The following PDZD8 variants were observed in gnomAD, a reference collection of about 807,000 sequenced individuals.
The protein encoded by PDZD8 is PDZ domain containing 8.
Under a neutral mutation model 85.8 loss-of-function variants are expected in PDZD8, and 14 were observed. That is an observed-to-expected ratio of 0.16 (90% confidence interval 0.11 to 0.26). The LOEUF (loss-of-function observed/expected upper bound fraction) is 0.26. Ranked by LOEUF, PDZD8 falls within the 10% of genes least tolerant of loss-of-function variation. PDZD8 has a pLI of 1.00. For missense variants in PDZD8, 1,197 were observed against 1,424.3 expected, an observed-to-expected ratio of 0.84 and a Z score of 2.57; for synonymous variants, 592 against 568.6, an observed-to-expected ratio of 1.04 and a Z score of -0.59.
Position 117,279,018 on chromosome 10 carries a change from T to C in PDZD8, c.*4250A>G, listed in dbSNP as rs1169296028. The C allele has an allele frequency of 6.6e-6, 1 of 152,234 alleles. No homozygotes were observed. Among genetic ancestry groups the C allele is most frequent in the Non-Finnish European group, 1.5e-5 (1 of 68,042 alleles). The allele number at this position is 152,234 out of a possible 1,614,324, so 9.4% of individuals were successfully genotyped here. ...CTGCCCCCAATACCATATACTTTAT[T>C]GCAATTTTATTTTTGCCTTTACGGC... On this transcript the variant is annotated 3_prime_UTR_variant, in exon 5 of 5. Transcript: ENST00000334464.
chr10:117,316,395 A>T (rs1302905455), intron 3 of PDZD8, among the ~76,000 whole-genome samples: 2 of 152,182 alleles, frequency 1.3e-5, no homozygotes, highest in Non-Finnish European at 2.9e-5. Flanking sequence ...AGTCATGGCC[A>T]GGTGTGACAG....
intron 1 of PDZD8, among the ~76,000 whole-genome samples, chr10:117,350,121 A>ATAACCC (rs1329150015): frequency 1.3e-5 from 2 of 152,202 alleles, no homozygotes; most frequent in Non-Finnish European, 1.5e-5. Context: ...GATAGGTACT[A>ATAACCC]TAATCAGCCC....
intron 3 of PDZD8, among the ~76,000 whole-genome samples, chr10:117,291,091 C>G (rs1236154850): frequency 6.6e-6 from 1 of 151,424 alleles, no homozygotes; most frequent in Non-Finnish European, 1.5e-5. Context: ...CCAGGCTGGT[C>G]TCAAACTTCT....
intron 2 of PDZD8, among the ~76,000 whole-genome samples, chr10:117,323,387 A>G (rs535148514): frequency 1.1e-4 from 16 of 152,322 alleles, no homozygotes; most frequent in Non-Finnish European, 2.2e-4. Flanking sequence ...ACTTTGCCTG[A>G]ATATTCAGTC....
chr10:117,316,712 G>C (rs987099877), intron 3 of PDZD8, among the ~76,000 whole-genome samples: 1 of 151,912 alleles, frequency 6.6e-6, no homozygotes, highest in Non-Finnish European at 1.5e-5. Context: ...AAATGAAAAG[G>C]TCATCAAATA....
intron 1 of PDZD8, among the ~76,000 whole-genome samples, chr10:117,349,216 A>G (rs1844758496): frequency 6.6e-6 from 1 of 152,216 alleles, no homozygotes; most frequent in Non-Finnish European, 1.5e-5. Context: ...CATTTGGGGC[A>G]GGTGATGAAA....
At chr10:117,341,176 G>T (rs986290769) in intron 1 of PDZD8, 74 bp from the exon 2 acceptor site, 1 of 1,492,194 alleles carries the variant, frequency 6.7e-7, no homozygotes, top group Non-Finnish European at 9.2e-7. Context: ...AAACTCACCT[G>T]TACAAAAACA....
chr10:117,333,126 A>ACAAAAAAAAC (rs1554854835), intron 2 of PDZD8, among the ~76,000 whole-genome samples: 4 of 140,696 alleles, frequency 2.8e-5, no homozygotes, highest in Admixed American at 7.0e-5. Flanking sequence ...TCAAAAAAAA[A>ACAAAAAAAAC]AAAAAAAAAA....
At chr10:117,343,545 T>G (rs138049076) in intron 1 of PDZD8, among the ~76,000 whole-genome samples, 2 of 151,594 alleles carry the variant, frequency 1.3e-5, no homozygotes, top group Non-Finnish European at 2.9e-5. Flanking sequence ...TGTAAAAAAA[T>G]TATAATAACC....
chr10:117,348,473 A>G (rs1343736099), intron 1 of PDZD8, among the ~76,000 whole-genome samples: 1 of 152,128 alleles, frequency 6.6e-6, no homozygotes, highest in Non-Finnish European at 1.5e-5. Flanking sequence ...TTAATCCGCG[A>G]TGGCTTCCAT....
chr10:117,371,532 T>C (rs1261620402), intron 1 of PDZD8, among the ~76,000 whole-genome samples: 6 of 152,148 alleles, frequency 3.9e-5, no homozygotes, highest in Non-Finnish European at 7.4e-5. Flanking sequence ...AGACAAGAAG[T>C]CATCACTTGC....
chr10:117,314,747 T>C (rs1844094616), intron 3 of PDZD8, among the ~76,000 whole-genome samples: 2 of 152,232 alleles, frequency 1.3e-5, no homozygotes, highest in South Asian at 4.1e-4. Flanking sequence ...TCTTTTATAA[T>C]TTCCTCTCCA....
At chr10:117,332,770 G>T (rs1307906182) in intron 2 of PDZD8, among the ~76,000 whole-genome samples, 1 of 150,760 alleles carries the variant, frequency 6.6e-6, no homozygotes, top group Non-Finnish European at 1.5e-5. Flanking sequence ...GCCTCCCAAA[G>T]TGCTGGGATT....
At chr10:117,321,573 T>C (rs1844225598) in intron 2 of PDZD8, among the ~76,000 whole-genome samples, 1 of 152,190 alleles carries the variant, frequency 6.6e-6, no homozygotes, top group African/African-American at 2.4e-5. Context: ...ACGGTGGTTA[T>C]ACAGCCCTGT....
In PDZD8 at chr10:117,285,446, T is replaced by C; in HGVS notation, c.1287A>G (p.Gln429=). 6 of 1,604,142 alleles carry C rather than the reference T, an allele frequency of 3.7e-6. No individual in the cohort carries two copies. The highest frequency in any genetic ancestry group is 5.1e-6 in the Non-Finnish European group (6 of 1,172,922). The change falls in exon 5 of 5, where the codon CAA becomes CAG. Residue 429 remains glutamine (Q), a synonymous_variant. Transcript: ENST00000334464. ...IGGVKITSTL[Q]VLKLIKQAGD... is the part of the protein sequence containing the mutation. ...CAGCCTGCTTGATAAGCTTCAACAC[T>C]TGCAGTGTTGATGTGATTTTCACAC...
chr10:117,283,375 T>G lies in PDZD8; in HGVS notation c.3358A>C (p.Thr1120Pro), dbSNP rs1307271791. The G allele has an allele frequency of 1.2e-6, 2 of 1,614,014 alleles. No individual in the cohort carries two copies. Among genetic ancestry groups the G allele is most frequent in the Non-Finnish European group, 1.7e-6 (2 of 1,179,950 alleles). Residue 1120 changes from threonine to proline, a missense_variant, in exon 5 of 5, where the codon ACA becomes CCA. Physicochemically the swap from Thr to Pro is conservative, Grantham distance 38. Transcript: ENST00000334464. ...DQHSKKISKY[T>P]DDTEEDLDNE... ...TCAAGGTCTTCTTCTGTATCATCTGTGTACTTGCTTATTTTTTTGGAGTGC... is the reference window on the plus strand; with the variant it reads ...TCAAGGTCTTCTTCTGTATCATCTGGGTACTTGCTTATTTTTTTGGAGTGC...
At chr10:117,327,212 A>T (rs1448509756) in intron 2 of PDZD8, among the ~76,000 whole-genome samples, 2 of 152,208 alleles carry the variant, frequency 1.3e-5, no homozygotes, top group Non-Finnish European at 2.9e-5. Context: ...TGAAAGTAGC[A>T]CTAATGCCCT....
chr10:117,319,756 G>C (rs1191403431), intron 2 of PDZD8, among the ~76,000 whole-genome samples: 3 of 151,914 alleles, frequency 2.0e-5, no homozygotes, highest in Admixed American at 6.6e-5. Context: ...GAAGAAAAAA[G>C]GTTACTCATG....
At chr10:117,305,320 G>A (rs1422732852) in intron 3 of PDZD8, among the ~76,000 whole-genome samples, 3 of 152,044 alleles carry the variant, frequency 2.0e-5, no homozygotes, top group Middle Eastern at 3.2e-3. Flanking sequence ...GCTGAGGCAC[G>A]AGAATTGCTT....
Sources: allele counts gnomAD v4.1 joint callset (sites outside exome capture counted in the v4.1 genomes callset), GRCh38; gene constraint gnomAD v4.1.1; transcripts MANE v1.5; gene names NCBI Gene and HGNC (gene_info 2026-07-23, HGNC 2026-07-21).